Variants in SUSD4 observed in about 807,000 individuals in gnomAD.
SUSD4 encodes sushi domain containing 4.
SUSD4 carries 41 observed loss-of-function variants against 50.5 expected under a neutral mutation model. The observed-to-expected ratio is 0.81, with a 90% CI of 0.63 to 1.05. The LOEUF (loss-of-function observed/expected upper bound fraction) is 1.05, where lower values mean the gene tolerates loss of function less well. Ranked by LOEUF, SUSD4 falls within the 50% of genes least tolerant of loss-of-function variation. SUSD4 has a pLI of 0.00. For missense variants in SUSD4, 580 were observed against 634.7 expected (o/e 0.91, Z 0.93); for synonymous variants, 257 against 257.3 (o/e 1.00, Z 0.01).
intron 2 of SUSD4, among the ~76,000 whole-genome samples, chr1:223,339,313 A>G (rs1416664454): frequency 6.6e-6 from 1 of 152,212 alleles, no homozygotes; most frequent in Non-Finnish European, 1.5e-5. Flanking sequence ...GGAGATGAGG[A>G]AAGAGACTAA....
chr1:223,338,444 A>G (rs1667574906), intron 2 of SUSD4, among the ~76,000 whole-genome samples: 1 of 152,226 alleles, frequency 6.6e-6, no homozygotes, highest in African/African-American at 2.4e-5. Context: ...TGCGTGTCAC[A>G]GAGGGCTTTG....
intron 5 of SUSD4, among the ~76,000 whole-genome samples, chr1:223,259,107 A>T (rs1410466240): frequency 6.6e-6 from 1 of 152,204 alleles, no homozygotes; most frequent in Non-Finnish European, 1.5e-5. Context: ...GGGGACAGAG[A>T]CTTTGCACAA....
At chr1:223,363,154 C>G (rs1309728366) in intron 2 of SUSD4, 124 bp downstream of exon 2, 8 of 1,182,884 alleles carry the variant, frequency 6.8e-6, no homozygotes, top group Non-Finnish European at 8.8e-6. Flanking sequence ...CAGGCACCCT[C>G]GCGTTGTCAG....
At chr1:223,311,210 G>A (rs906272981) in intron 2 of SUSD4, among the ~76,000 whole-genome samples, 24 of 152,228 alleles carry the variant, frequency 1.6e-4, no homozygotes, top group African/African-American at 5.8e-4. Flanking sequence ...CATCCTATCT[G>A]AAGCTACTTA....
intron 2 of SUSD4, among the ~76,000 whole-genome samples, chr1:223,317,834 CT>C (rs1235672082): frequency 0.19 from 15,202 of 78,596 alleles, 912 homozygotes; most frequent in Non-Finnish European, 0.26. Context: ...GCTTGCCCTT[CT>C]TTTTTTTTTT....
intron 3 of SUSD4, among the ~76,000 whole-genome samples, chr1:223,276,982 C>G (rs1463591684): frequency 5.3e-5 from 8 of 152,288 alleles, no homozygotes; most frequent in Non-Finnish European, 7.4e-5. Context: ...TAGAAGACAG[C>G]TCACTTAACA....
intron 2 of SUSD4, among the ~76,000 whole-genome samples, chr1:223,322,464 A>G (rs1558249399): frequency 6.6e-6 from 1 of 152,212 alleles, no homozygotes; most frequent in Non-Finnish European, 1.5e-5. Context: ...CGATTTTTCA[A>G]TTAATGAATT....
intron 2 of SUSD4, among the ~76,000 whole-genome samples, chr1:223,327,499 A>C (rs1362078730): frequency 6.6e-6 from 1 of 152,232 alleles, no homozygotes. Flanking sequence ...AAAATGTTTT[A>C]AAAACAAAGA....
At position 223,332,922 on chromosome 1, in the gene SUSD4, C is replaced by T. The variant is rs1009532825; in HGVS notation, c.148+30356G>A. 6.6e-6 allele frequency among the ~76,000 whole-genome samples: 1 copy of T among 152,034 alleles called. No homozygotes were observed. The highest frequency in any genetic ancestry group is 1.5e-5 in the Non-Finnish European group (1 of 67,978). ...ATGTTCTTTCTGACGGAAGAAATGGCCACCTGCTCCTGATACTCTGCGTGG... is the reference window on the plus strand; with the variant it reads ...ATGTTCTTTCTGACGGAAGAAATGGTCACCTGCTCCTGATACTCTGCGTGG... On this transcript the variant is annotated intron_variant, in intron 2 of 8. Transcript: ENST00000366878. This position sits in a 1 kb window ranked among gnomAD's most constrained non-coding sequence, Gnocchi z 4.0.
chr1:223,279,812 G>C (rs200326020), intron 3 of SUSD4, among the ~76,000 whole-genome samples: 1 of 151,544 alleles, frequency 6.6e-6, no homozygotes, highest in African/African-American at 2.4e-5. Context: ...TGAAATGAAG[G>C]AAAAAATGTT....
In SUSD4 at chr1:223,295,294, TTA is replaced by T. The variant is rs1168911943; in HGVS notation, c.149-2645_149-2644del. On this transcript the variant is annotated intron_variant, in intron 2 of 8. Transcript: ENST00000366878. ...ATTAGCAGCAATGGAATTCATGGTT[TTA>T]TATAGTTTAGAAGGCCTAGAAGCAC... Among the ~76,000 whole-genome samples the T allele has an allele frequency of 3.3e-5, 5 of 152,156 alleles. 1 individual carries two copies. The highest frequency in any genetic ancestry group is 3.3e-4 in the Admixed American group (5 of 15,282).
intron 2 of SUSD4, among the ~76,000 whole-genome samples, chr1:223,322,678 G>A (rs1479155937): frequency 6.6e-6 from 1 of 152,078 alleles, no homozygotes. Flanking sequence ...ATGTAGGTAC[G>A]TGTGTGTGTG....
chr1:223,235,256 G>T (rs549398314), intron 5 of SUSD4, among the ~76,000 whole-genome samples: 2 of 152,162 alleles, frequency 1.3e-5, no homozygotes, highest in Non-Finnish European at 2.9e-5. Context: ...GGTACAGGAA[G>T]TTCCCGTATA....
intron 2 of SUSD4, among the ~76,000 whole-genome samples, chr1:223,293,117 G>C (rs770597718): frequency 1.3e-5 from 2 of 152,220 alleles, no homozygotes; most frequent in Non-Finnish European, 2.9e-5. Flanking sequence ...TGAATGGCTG[G>C]GGACTGGAAG....
chr1:223,237,554 A>T (rs1162858035), intron 5 of SUSD4, among the ~76,000 whole-genome samples: 1 of 151,654 alleles, frequency 6.6e-6, no homozygotes, highest in Non-Finnish European at 1.5e-5. Flanking sequence ...GTTTTTTTTT[A>T]AATCATAAAT....
chr1:223,277,361 G>A (rs1663353190), intron 3 of SUSD4, among the ~76,000 whole-genome samples: 2 of 151,906 alleles, frequency 1.3e-5, no homozygotes, highest in African/African-American at 4.8e-5. Flanking sequence ...TAAGCATGGA[G>A]ACAGAGCAAA....
chr1:223,275,121 C>T (rs972899435), intron 3 of SUSD4, among the ~76,000 whole-genome samples: 1 of 152,182 alleles, frequency 6.6e-6, no homozygotes, highest in Non-Finnish European at 1.5e-5. Flanking sequence ...TCATCTGGAG[C>T]CTCTGGGCCT....
chr1:223,245,553 G>C (rs1478697733), intron 5 of SUSD4, among the ~76,000 whole-genome samples: 1 of 152,160 alleles, frequency 6.6e-6, no homozygotes, highest in Non-Finnish European at 1.5e-5. Context: ...GCGGGACACT[G>C]TGTGTGCAGC....
chr1:223,276,513 T>A (rs1352037249), intron 3 of SUSD4, among the ~76,000 whole-genome samples: 1 of 152,242 alleles, frequency 6.6e-6, no homozygotes, highest in Non-Finnish European at 1.5e-5. Flanking sequence ...CCATCATAAC[T>A]GATCACTTCT....
Sources: allele counts gnomAD v4.1 joint callset (sites outside exome capture counted in the v4.1 genomes callset), GRCh38; gene constraint gnomAD v4.1.1; non-coding constraint Gnocchi (gnomAD v3.1); transcripts MANE v1.5; gene names NCBI Gene and HGNC (gene_info 2026-07-23, HGNC 2026-07-21).